Variants in CMTM4 observed in about 807,000 individuals in gnomAD.
CMTM4 encodes the protein CKLF-like MARVEL transmembrane domain-containing protein 4.
CMTM4 carries 8 observed loss-of-function variants against 19.0 expected under a neutral mutation model. The ratio of observed to expected loss-of-function variants is 0.42; its 90% CI spans 0.25 to 0.76. The LOEUF (loss-of-function observed/expected upper bound fraction) is 0.76. Ranked by LOEUF, CMTM4 falls within the 30% of genes least tolerant of loss-of-function variation. CMTM4 has a pLI of 0.27. For synonymous variants in CMTM4, 106 were observed against 121.1 expected, an observed-to-expected ratio of 0.88 and a Z score of 0.82; for missense variants, 228 against 290.2, an observed-to-expected ratio of 0.79 and a Z score of 1.56.
intron 1 of CMTM4, among the ~76,000 whole-genome samples, chr16:66,657,719 C>G (rs952663707): frequency 6.6e-6 from 1 of 152,116 alleles, no homozygotes; most frequent in Non-Finnish European, 1.5e-5. Flanking sequence ...TAAAAATCCA[C>G]GAGTTTGGAG....
the CMTM4 span, among the ~76,000 whole-genome samples, chr16:66,600,049 G>GC: frequency 6.6e-6 from 1 of 150,810 alleles, no homozygotes; most frequent in Non-Finnish European, 1.5e-5. Flanking sequence ...CAAATCTTTG[G>GC]CCCATTAAAA....
At position 66,615,475 on chromosome 16, in the gene CMTM4, T is replaced by C. The variant is rs1488360828; in HGVS notation, c.*6583A>G. ...TGAAGAGTACGTGTCTGTGTCTTGG[T>C]GTCATCTAGCTCCTCACAGCAAACA... On this transcript the variant is annotated 3_prime_UTR_variant, in exon 4 of 4. Transcript: ENST00000394106. This position sits in a 1 kb window ranked among gnomAD's most constrained non-coding sequence, Gnocchi z 4.9. 6.6e-6 allele frequency: 1 copy of C among 152,224 alleles called. No individual in the cohort carries two copies. Among genetic ancestry groups the C allele is most frequent in the African/African-American group, 2.4e-5 (1 of 41,428 alleles). 9.4% of individuals were successfully genotyped at this position (152,224 alleles called of 1,614,324 possible).
At chr16:66,651,796 C>T (rs1481118731) in intron 1 of CMTM4, among the ~76,000 whole-genome samples, 1 of 152,178 alleles carries the variant, frequency 6.6e-6, no homozygotes, top group East Asian at 1.9e-4. Context: ...GTTTTTTCCC[C>T]TCCCAAGGGA....
At chr16:66,628,841 C>T (rs1040459433) in intron 2 of CMTM4, among the ~76,000 whole-genome samples, 2 of 152,100 alleles carry the variant, frequency 1.3e-5, no homozygotes, top group African/African-American at 2.4e-5. Flanking sequence ...AGATACACCA[C>T]GTTATTTATC....
chr16:66,642,717 A>AAAAC (rs1045219660), intron 1 of CMTM4, among the ~76,000 whole-genome samples: 1 of 152,274 alleles, frequency 6.6e-6, no homozygotes. Flanking sequence ...CTTCATCACC[A>AAAAC]AAACAAACAA....
chr16:66,599,697 T>C, the CMTM4 span, among the ~76,000 whole-genome samples: 1 of 152,246 alleles, frequency 6.6e-6, no homozygotes, highest in Non-Finnish European at 1.5e-5. Flanking sequence ...ACTAGCCATT[T>C]AGTTCATCCC....
intron 1 of CMTM4, among the ~76,000 whole-genome samples, chr16:66,663,532 CTTTTTTTTTTTTTT>C (rs1178140315): frequency 3.6e-5 from 2 of 55,256 alleles, no homozygotes; most frequent in South Asian, 6.7e-4. Flanking sequence ...TTTTCATTTG[CTTTTTTTTTTTTTT>C]TTTTTTTTTT....
Position 66,620,902 on chromosome 16 carries a change from T to C in CMTM4, c.*1156A>G, listed in dbSNP as rs1479543991. The C allele has an allele frequency of 5.1e-6, 5 of 985,690 alleles. No homozygotes were observed. The highest frequency in any genetic ancestry group is 1.7e-5 in the African/African-American group (1 of 57,228). 61.1% of individuals were successfully genotyped at this position (985,690 alleles called of 1,614,324 possible). A position where few individuals can be genotyped will look rare whatever the true frequency, so the allele number is the denominator to read the frequency against. ...ACCACACACAATAATCTTCACTTTA[T>C]CAAGAATCAATCAGAAACCTTAAGT... On this transcript the variant is annotated 3_prime_UTR_variant, in exon 4 of 4. Transcript: ENST00000394106.
At chr16:66,672,946 G>A (rs1381105841) in intron 1 of CMTM4, among the ~76,000 whole-genome samples, 7 of 104,182 alleles carry the variant, frequency 6.7e-5, no homozygotes, top group Admixed American at 2.3e-4. Context: ...TTTTTGAGAC[G>A]GAGTCTTGCT....
At position 66,636,418 on chromosome 16, in the gene CMTM4, T is replaced by C. The variant is rs1356392937; in HGVS notation, c.350A>G (p.Asn117Ser). The stretch of plus-strand genomic sequence containing the variant: ...GCTTGTACTCACTGTCAGATTCCAG[T>C]TGATCTGGGGGATCCTCATGTGCAG... ...LNLHMRIPQI[N>S]WNLTDLVNTG... Residue 117 changes from asparagine to serine, a missense_variant, in exon 2 of 4, where the codon AAC (asparagine) becomes AGC (serine). Coordinates refer to ENST00000394106, the MANE Select transcript of CMTM4 (RefSeq NM_181521.3). 2.5e-6 allele frequency: 4 copies of C among 1,614,054 alleles called. No individual in the cohort carries two copies. The highest frequency in any genetic ancestry group is 2.5e-6 in the Non-Finnish European group (3 of 1,179,888).
chr16:66,682,218 C>T (rs1458959148), intron 1 of CMTM4, among the ~76,000 whole-genome samples: 1 of 152,188 alleles, frequency 6.6e-6, no homozygotes, highest in Non-Finnish European at 1.5e-5. Context: ...AGCATTTTTA[C>T]TGACATCTAG....
chr16:66,627,577 C>T (rs990920498), intron 2 of CMTM4, among the ~76,000 whole-genome samples: 1 of 152,228 alleles, frequency 6.6e-6, no homozygotes, highest in African/African-American at 2.4e-5. Flanking sequence ...ATTCCTCCCC[C>T]AACCCTAAGC....
rs1035982812 is a variant in CMTM4 at position 66,619,017 on chromosome 16, A to C, written c.*3041T>G. 1 of 985,502 alleles carries C rather than the reference A, an allele frequency of 1.0e-6. No individual in the cohort carries two copies. Among genetic ancestry groups the C allele is most frequent in the East Asian group, 1.1e-4 (1 of 8,818 alleles). The allele number at this position is 985,502 out of a possible 1,614,324, so 61.0% of individuals were successfully genotyped here. ...CATTCTTGCTTTTTCTGTAGACAAA[A>C]GTCACCTCCCTCGGATGGCTGTTTA... On this transcript the variant is annotated 3_prime_UTR_variant, in exon 4 of 4. Transcript: ENST00000394106.
downstream of CMTM4, chr16:66,613,114 G>C (rs1318935023): frequency 2.8e-6 from 2 of 703,052 alleles, no homozygotes; most frequent in Admixed American, 4.0e-5. Context: ...AGCCACTTTG[G>C]TGACAATGAC....
rs777486334 is a variant in CMTM4, at chr16:66,618,887, G to A, written c.*3171C>T. The A allele has an allele frequency of 1.1e-4, 104 of 985,434 alleles. 1 individual carries two copies. The highest frequency in any genetic ancestry group is 5.7e-4 in the East Asian group (5 of 8,828). 61.0% of individuals were successfully genotyped at this position (985,434 alleles called of 1,614,324 possible). On this transcript the variant is annotated 3_prime_UTR_variant, in exon 4 of 4. Coordinates refer to ENST00000394106, the MANE Select transcript of CMTM4 (RefSeq NM_181521.3). ...CAGGGCCCGAAGGGCTGGGGGTGCC[G>A]CTGGCTTCCCAGGGCCAAGCGCTCA...
Position 66,621,892 on chromosome 16 carries a change from G to T in CMTM4, c.*166C>A. ...GGAACGTGGGCCTCCCAACTCCACC[G>T]CGGACCCGCCCACTGGGCCACTCGG... On this transcript the variant is annotated 3_prime_UTR_variant, in exon 4 of 4. Transcript: ENST00000394106. 1 of 1,429,308 alleles carries T rather than the reference G, an allele frequency of 7.0e-7. No individual in the cohort carries two copies. The allele number at this position is 1,429,308 out of a possible 1,614,324, so 88.5% of individuals were successfully genotyped here. A position where few individuals can be genotyped will look rare whatever the true frequency, so the allele number is the denominator to read the frequency against.
the CMTM4 span, chr16:66,604,648 G>A: frequency 3.9e-6 from 2 of 517,442 alleles, no homozygotes; most frequent in Non-Finnish European, 5.7e-6. Flanking sequence ...CGGGCTGGAG[G>A]AGCGGGTGGG....
At chr16:66,600,135 T>TG in the CMTM4 span, among the ~76,000 whole-genome samples, 55 of 134,174 alleles carry the variant, frequency 4.1e-4, no homozygotes, top group East Asian at 9.3e-4. Flanking sequence ...TGTGTGTGTG[T>TG]GTTTTTTTTT....
intron 3 of CMTM4, 34 bp downstream of exon 3, chr16:66,623,370 G>T: frequency 6.5e-7 from 1 of 1,547,272 alleles, no homozygotes; most frequent in Non-Finnish European, 8.9e-7. Context: ...GAGGTCCCCA[G>T]ATCAGCTTGC....
Sources: gnomAD v4.1 joint callset for allele counts (sites outside exome capture counted in the v4.1 genomes callset) on GRCh38, gnomAD v4.1.1 for gene constraint, Gnocchi (gnomAD v3.1) non-coding constraint, MANE v1.5 for transcripts, NCBI Gene and HGNC (gene_info 2026-07-23, HGNC 2026-07-21) for gene names.